The following PPM1H variants were observed in gnomAD, a reference collection of about 807,000 sequenced individuals.
PPM1H encodes the protein protein phosphatase 1H.
A neutral mutation model predicts 54.9 loss-of-function variants in PPM1H; 27 were observed. The ratio of observed to expected loss-of-function variants is 0.49; its 90% CI spans 0.36 to 0.68. The LOEUF is 0.68. PPM1H is among the 30% of genes least tolerant of loss of function. The pLI is 0.00. For missense variants in PPM1H, 596 were observed against 667.8 expected (o/e 0.89, Z 1.19); for synonymous variants, 305 against 270.8 (o/e 1.13, Z -1.24).
chr12:62,717,605 A>G (rs2076242681), intron 6 of PPM1H, among the ~76,000 whole-genome samples: 2 of 152,180 alleles, frequency 1.3e-5, no homozygotes, highest in African/African-American at 4.8e-5. Flanking sequence ...TTTAATTATA[A>G]AACCAGGACA....
At chr12:62,924,213 TG>T (rs200251837) in intron 1 of PPM1H, among the ~76,000 whole-genome samples, 4 of 150,858 alleles carry the variant, frequency 2.7e-5, no homozygotes, top group Admixed American at 6.6e-5. Context: ...AGGCCCAGAG[TG>T]GGGGGGGCAG....
intron 4 of PPM1H, chr12:62,756,071 C>A: frequency 8.6e-7 from 1 of 1,160,952 alleles, no homozygotes; most frequent in Non-Finnish European, 1.3e-6. Context: ...ACCAGGTTGT[C>A]TCCTCTGATT....
intron 4 of PPM1H, 109 bp downstream of exon 4, chr12:62,788,117 A>G: frequency 1.3e-6 from 1 of 756,734 alleles, no homozygotes; most frequent in South Asian, 1.7e-5. Context: ...TTTCATTCTG[A>G]TGTAGAAGGC....
At chr12:62,658,843 G>A in intron 9 of PPM1H, 1 of 564,906 alleles carries the variant, frequency 1.8e-6, no homozygotes, top group East Asian at 3.9e-5. Context: ...GACTCCTTGT[G>A]GAGCCCAAGA....
intron 2 of PPM1H, among the ~76,000 whole-genome samples, chr12:62,821,796 A>G (rs2076904509): frequency 1.3e-5 from 2 of 152,226 alleles, no homozygotes; most frequent in African/African-American, 4.8e-5. Flanking sequence ...GGTACCAGCC[A>G]CTGCAAAAAC....
chr12:62,777,085 AC>A (rs2076615545), intron 4 of PPM1H, among the ~76,000 whole-genome samples: 2 of 152,348 alleles, frequency 1.3e-5, no homozygotes, highest in South Asian at 4.1e-4. Flanking sequence ...AGCACTATTC[AC>A]AACCACAATG....
chr12:62,755,275 G>C (rs1175821019), intron 4 of PPM1H: 9 of 811,464 alleles, frequency 1.1e-5, no homozygotes, highest in Admixed American at 8.6e-5. Flanking sequence ...TGGGTGCCTA[G>C]TCACCAGGGC....
chr12:62,693,450 G>A (rs572008102), intron 7 of PPM1H, among the ~76,000 whole-genome samples: 84 of 152,332 alleles, frequency 5.5e-4, no homozygotes, highest in Non-Finnish European at 1.1e-3. Flanking sequence ...CCATGGTGGA[G>A]TCTGAGACGC....
At chr12:62,657,692 C>G (rs1565746704) in intron 9 of PPM1H, among the ~76,000 whole-genome samples, 2 of 152,158 alleles carry the variant, frequency 1.3e-5, no homozygotes, top group Non-Finnish European at 2.9e-5. Flanking sequence ...GAAATTAGTT[C>G]AGCTAACTCA....
At chr12:62,809,277 C>T (rs770857499) in intron 2 of PPM1H, among the ~76,000 whole-genome samples, 2 of 152,188 alleles carry the variant, frequency 1.3e-5, no homozygotes, top group African/African-American at 2.4e-5. Flanking sequence ...TCTCAAACTC[C>T]TGGCTTCAAG....
At chr12:62,848,091 T>C (rs760515620) in intron 1 of PPM1H, among the ~76,000 whole-genome samples, 61 of 152,318 alleles carry the variant, frequency 4.0e-4, no homozygotes, top group Non-Finnish European at 7.1e-4. Flanking sequence ...TTTTTCTTCA[T>C]AAAAAGGACC....
At chr12:62,813,153 A>AC (rs1203549047) in intron 2 of PPM1H, among the ~76,000 whole-genome samples, 1 of 152,142 alleles carries the variant, frequency 6.6e-6, no homozygotes. Context: ...GTGGAGACCA[A>AC]CAGAAATACC....
At chr12:62,652,795 T>C (rs934906101) in intron 9 of PPM1H, among the ~76,000 whole-genome samples, 3 of 151,868 alleles carry the variant, frequency 2.0e-5, no homozygotes, top group African/African-American at 7.3e-5. Context: ...ATCATTATCA[T>C]TTACAATCTA....
intron 4 of PPM1H, among the ~76,000 whole-genome samples, chr12:62,752,607 T>C (rs1204914581): frequency 6.6e-6 from 1 of 152,148 alleles, no homozygotes; most frequent in Non-Finnish European, 1.5e-5. Flanking sequence ...TTAACATTTT[T>C]CCAAGCATAT....
chr12:62,758,296 G>T lies in PPM1H; in HGVS notation c.870-20710C>A, dbSNP rs536446097. Reference sequence around the variant, plus strand: ...GAAGGGTATTTATTTTTGCCTTGAGGTCTGGTGGCCTCAAAGTTCACATGA... The same window carrying T: ...GAAGGGTATTTATTTTTGCCTTGAGTTCTGGTGGCCTCAAAGTTCACATGA... On this transcript the variant is annotated intron_variant, in intron 4 of 9. Transcript: ENST00000228705. 9.9e-5 allele frequency among the ~76,000 whole-genome samples: 15 copies of T among 152,270 alleles called. No individual in the cohort carries two copies. The South Asian group carries it at 2.7e-3, about 27-fold the overall frequency.
At chr12:62,658,887 A>T in intron 9 of PPM1H, 1 of 641,608 alleles carries the variant, frequency 1.6e-6, no homozygotes, top group East Asian at 3.3e-5. Flanking sequence ...TTCATCCAGC[A>T]CCAGTCTGAC....
intron 1 of PPM1H, among the ~76,000 whole-genome samples, chr12:62,924,569 C>T (rs1173678377): frequency 6.6e-6 from 1 of 152,210 alleles, no homozygotes; most frequent in Non-Finnish European, 1.5e-5. Flanking sequence ...CTATCATCCA[C>T]TGGTCTTATT....
intron 9 of PPM1H, among the ~76,000 whole-genome samples, 159 bp from the exon 10 acceptor site, chr12:62,648,795 A>G: frequency 6.6e-6 from 1 of 152,278 alleles, no homozygotes; most frequent in East Asian, 1.9e-4. Context: ...CCCAAAATGT[A>G]GGACACCTAA....
intron 4 of PPM1H, among the ~76,000 whole-genome samples, chr12:62,776,384 T>C (rs1178249379): frequency 1.3e-5 from 2 of 152,222 alleles, no homozygotes; most frequent in Non-Finnish European, 2.9e-5. Context: ...TAGAAATTAT[T>C]ACCAATAGCA....
Sources: allele counts gnomAD v4.1 joint callset (sites outside exome capture counted in the v4.1 genomes callset), GRCh38; gene constraint gnomAD v4.1.1; transcripts MANE v1.5; gene names NCBI Gene and HGNC (gene_info 2026-07-23, HGNC 2026-07-21).